Variants in ADAMTS13 observed in about 807,000 individuals in gnomAD.
ADAMTS13 encodes the protein A disintegrin and metalloproteinase with thrombospondin motifs 13.
ADAMTS13 carries 110 observed loss-of-function variants against 155.1 expected under a neutral mutation model. The ratio of observed to expected loss-of-function variants is 0.71; its 90% CI spans 0.61 to 0.83. The LOEUF (loss-of-function observed/expected upper bound fraction) is 0.83, where lower values mean the gene tolerates loss of function less well. Among genes scored for constraint, ADAMTS13 ranks in the 40% least tolerant of loss-of-function variants. The pLI, the probability that ADAMTS13 is intolerant of heterozygous loss-of-function variation, is 0.00. For missense variants in ADAMTS13, 1,707 were observed against 1,891.7 expected, an observed-to-expected ratio of 0.90 and a Z score of 1.81; for synonymous variants, 758 against 756.4, an observed-to-expected ratio of 1.00 and a Z score of -0.03.
rs75121158 is a variant in ADAMTS13 at position 133,416,637 on chromosome 9, G to A, written n.287+1993G>A. Among the ~76,000 whole-genome samples, 675 of 152,360 alleles carry A rather than the reference G, an allele frequency of 4.4e-3. 5 individuals carry two copies. The highest frequency in any genetic ancestry group is 0.016 in the African/African-American group (656 of 41,588). ...GACGCACGTGGAAGAGTGTCTAGGA[G>A]AGAGCAGGCAACCTCTACAGAAGTG... On this transcript the variant is annotated intron_variant and non_coding_transcript_variant, in intron 1 of 17. Transcript: ENST00000485925.
intron 8 of ADAMTS13, 93 bp from the exon 9 acceptor site, chr9:133,432,495 T>A: frequency 2.7e-6 from 3 of 1,109,426 alleles, no homozygotes; most frequent in Non-Finnish European, 4.0e-6. Flanking sequence ...TGTCAGTGTG[T>A]CCTGCAGTCT....
At position 133,443,483 on chromosome 9, in the gene ADAMTS13, C is replaced by T. The variant is rs782406453; in HGVS notation, c.2342C>T (p.Pro781Leu). The change falls in exon 19 of 29, where the codon CCC (proline) becomes CTC (leucine). Residue 781 changes from proline to leucine, a missense_variant. Physicochemically the swap from Pro to Leu is moderately conservative, Grantham distance 98. Transcript: ENST00000355699. ...CAGGGCAGCCTCCTGAAGACATTGC[C>T]CCCAGCCCGGTGCAGAGCAGGGGCC... ...EAQGSLLKTLPPARCRAGAQQ... is the reference protein window; with the variant it reads ...EAQGSLLKTLLPARCRAGAQQ... 4 of 1,589,632 alleles carry T rather than the reference C, an allele frequency of 2.5e-6. No homozygotes were observed. The African/African-American group carries it at 4.0e-5, about 16-fold the overall frequency.
rs375622643 is a variant in ADAMTS13, at chr9:133,440,372, G to T, written c.1815G>T (p.Val605=). 6.2e-7 allele frequency: 1 copy of T among 1,613,868 alleles called. No individual in the cohort carries two copies. Among genetic ancestry groups the T allele is most frequent in the African/African-American group, 1.3e-5 (1 of 74,932 alleles). The change falls in exon 16 of 29, where the codon GTG becomes GTT. Residue 605 remains valine (V), a synonymous_variant. Transcript: ENST00000355699. The surrounding 1 kb of genome is among the most constrained non-coding windows in gnomAD (Gnocchi z 4.3). ...LAVRIGGRYV[V]AGKMSISPNT... ...TGAGGATCGGAGGGCGCTATGTCGT[G>T]GCTGGGAAGATGAGCATCTCCCCTA...
Position 133,424,611 on chromosome 9 carries a change from C to T in ADAMTS13, c.330+133C>T. 7.5e-7 allele frequency: 1 copy of T among 1,339,268 alleles called. No homozygotes were observed. 83.0% of individuals were successfully genotyped at this position (1,339,268 alleles called of 1,614,324 possible). A position where few individuals can be genotyped will look rare whatever the true frequency, so the allele number is the denominator to read the frequency against. On this transcript the variant is annotated intron_variant, in intron 3 of 28. Coordinates refer to ENST00000355699, the MANE Select transcript of ADAMTS13 (RefSeq NM_139027.6). The surrounding 1 kb of genome is among the most constrained non-coding windows in gnomAD (Gnocchi z 4.3). ...AGAATGGCTCGGGGTTCTTCCTCTT[C>T]TCCCTCCCTCCCCTGGGTGGAGGTG...
chr9:133,429,745 C>A, intron 7 of ADAMTS13, 194 bp from the exon 8 acceptor site: 1 of 786,656 alleles, frequency 1.3e-6, no homozygotes, highest in Non-Finnish European at 2.2e-6. Flanking sequence ...CCCACCTCTG[C>A]GCCGGCAGGA....
upstream of ADAMTS13, among the ~76,000 whole-genome samples, chr9:133,420,422 T>G (rs1447286206): frequency 1.3e-5 from 2 of 152,230 alleles, no homozygotes; most frequent in Non-Finnish European, 2.9e-5. Flanking sequence ...CAATGCAGCC[T>G]TCTGTACAAA....
rs887023431 is a variant in ADAMTS13 at position 133,456,055 on chromosome 9, T to C, written c.3401-14T>C. On this transcript the variant is annotated splice_polypyrimidine_tract_variant and intron_variant, in intron 25 of 28. Transcript: ENST00000355699. The surrounding 1 kb of genome is among the most constrained non-coding windows in gnomAD (Gnocchi z 4.4). ...GGGGAAGCACTGCTTACCTGTCTCC[T>C]GCTCCCTTTTCAGGTGCCTGTGGCA... 2.0e-5 allele frequency: 32 copies of C among 1,613,090 alleles called. No homozygotes were observed. Among genetic ancestry groups the C allele is most frequent in the Non-Finnish European group, 2.5e-5 (30 of 1,180,036 alleles).
Position 133,428,750 on chromosome 9 carries a change from G to A in ADAMTS13, c.803G>A (p.Arg268Gln), listed in dbSNP as rs121908477. The A allele has an allele frequency of 3.0e-6, 4 of 1,353,572 alleles. No individual in the cohort carries two copies. Among genetic ancestry groups the A allele is most frequent in the Non-Finnish European group, 3.8e-6 (4 of 1,049,392 alleles). 83.8% of individuals were successfully genotyped at this position (1,353,572 alleles called of 1,614,324 possible). A position where few individuals can be genotyped will look rare whatever the true frequency, so the allele number is the denominator to read the frequency against. The part of the protein sequence containing the change: ...AGLAWSPCSR[R>Q]QLLSLLSAGR... ...CTCGCCTGGTCCCCCTGCAGCCGCC[G>A]GCAGCTGCTGAGCCTGCTCAGGTAG... The change falls in exon 7 of 29, where the codon CGG (arginine) becomes CAG (glutamine). Residue 268 changes from arginine (R) to glutamine (Q), a missense_variant. This residue lies in a region of ADAMTS13 where 733 missense variants were observed against 749.6 expected (regional missense o/e 0.98). Transcript: ENST00000355699.
In ADAMTS13 at chr9:133,459,219, G is replaced by A. The variant is rs1554797237; in HGVS notation, c.*39G>A. On this transcript the variant is annotated 3_prime_UTR_variant, in exon 29 of 29. Transcript: ENST00000355699. ...TTTGTTCCGTGTCTGGCCAGCCCTG[G>A]AGGGTTGACCCCTGGTCTCAGTGCT... is the stretch of plus-strand genomic sequence containing the variant. 6.4e-7 allele frequency: 1 copy of A among 1,556,532 alleles called. No homozygotes were observed. The highest frequency in any genetic ancestry group is 8.7e-7 in the Non-Finnish European group (1 of 1,143,882).
At chr9:133,442,153 T>A (rs1841715553) in intron 16 of ADAMTS13, among the ~76,000 whole-genome samples, 1 of 152,156 alleles carries the variant, frequency 6.6e-6, no homozygotes, top group Non-Finnish European at 1.5e-5. Context: ...GTCTCACTGT[T>A]GGCCAGGCTG....
Position 133,456,793 on chromosome 9 carries a change from A to G in ADAMTS13, c.3724+74A>G. The G allele has an allele frequency of 6.6e-7, 1 of 1,510,236 alleles. No homozygotes were observed. Among genetic ancestry groups the G allele is most frequent in the Admixed American group, 2.0e-5 (1 of 50,936 alleles). 93.6% of individuals were successfully genotyped at this position (1,510,236 alleles called of 1,614,324 possible). On this transcript the variant is annotated intron_variant, in intron 27 of 28. Transcript: ENST00000355699. The surrounding 1 kb of genome is among the most constrained non-coding windows in gnomAD (Gnocchi z 4.4). ...GGAGGCTGGGTGGGTGCTGCTGGGG[A>G]TGGGGCCAGTCCCAGTGGGGCAGTG...
chr9:133,428,564 C>CCCCGGG, intron 6 of ADAMTS13, 70 bp from the exon 7 acceptor site: 1 of 305,450 alleles, frequency 3.3e-6, no homozygotes. Context: ...CTCGCCGACC[C>CCCCGGG]CCGTCCCGCC....
At chr9:133,439,967 C>T (rs920929633) in intron 15 of ADAMTS13, among the ~76,000 whole-genome samples, 2 of 152,380 alleles carry the variant, frequency 1.3e-5, no homozygotes, top group Non-Finnish European at 2.9e-5. Flanking sequence ...TGGTGTGACC[C>T]GTGTTTCCTC....
At chr9:133,417,435 T>C (rs964468590), upstream of ADAMTS13, among the ~76,000 whole-genome samples, 2 of 152,292 alleles carry the variant, frequency 1.3e-5, no homozygotes, top group East Asian at 3.8e-4. Context: ...CTTTCATCAA[T>C]TTCTTTCAAG....
chr9:133,434,456 C>T (rs1277187311), intron 11 of ADAMTS13, among the ~76,000 whole-genome samples: 1 of 152,110 alleles, frequency 6.6e-6, no homozygotes, highest in Non-Finnish European at 1.5e-5. Context: ...CAGGTGCCCG[C>T]CACCACGCCC....
At chr9:133,415,527 G>C (rs1019976078) in intron 1 of ADAMTS13, 1 of 154,452 alleles carries the variant, frequency 6.5e-6, no homozygotes, top group Non-Finnish European at 1.4e-5. Flanking sequence ...CTGAAGAACT[G>C]CTAGCAGCCA....
chr9:133,458,840 A>T (rs1272199270), intron 28 of ADAMTS13, 134 bp from the exon 29 acceptor site: 3 of 825,818 alleles, frequency 3.6e-6, no homozygotes, highest in Non-Finnish European at 5.9e-6. Flanking sequence ...TGGGTAGAGT[A>T]ATGGCGTATT....
chr9:133,437,005 C>G (rs1554789298), intron 12 of ADAMTS13, 50 bp downstream of exon 12: 1 of 1,571,424 alleles, frequency 6.4e-7, no homozygotes, highest in Non-Finnish European at 8.6e-7. Flanking sequence ...CCTGGAGACC[C>G]TCGGACAGGG....
chr9:133,436,778 A>ACCCGCCC (rs1259483159), intron 11 of ADAMTS13, 51 bp from the exon 12 acceptor site: 1 of 432,840 alleles, frequency 2.3e-6, no homozygotes, highest in Non-Finnish European at 4.6e-6. Flanking sequence ...CAGTGACAAC[A>ACCCGCCC]CCCGCCCCCC....
Sources: allele counts gnomAD v4.1 joint callset (sites outside exome capture counted in the v4.1 genomes callset), GRCh38; gene constraint gnomAD v4.1.1; regional missense constraint gnomAD v4.1.1; non-coding constraint Gnocchi (gnomAD v3.1); transcripts MANE v1.5; gene names NCBI Gene and HGNC (gene_info 2026-07-23, HGNC 2026-07-21).